The following KHDRBS2 variants were observed in gnomAD, a reference collection of about 807,000 sequenced individuals.
KHDRBS2 encodes the protein KH domain-containing, RNA-binding, signal transduction-associated protein 2.
Under a neutral mutation model 44.3 loss-of-function variants are expected in KHDRBS2, and 26 were observed. The ratio of observed to expected loss-of-function variants is 0.59; its 90% CI spans 0.43 to 0.81. The LOEUF is 0.81. Among genes scored for constraint, KHDRBS2 ranks in the 40% least tolerant of loss-of-function variants. The probability of loss-of-function intolerance (pLI) is 0.00; values close to 1 mark genes in which losing one functional copy is unlikely to be tolerated. For synonymous variants in KHDRBS2, 194 were observed against 151.1 expected (o/e 1.28, Z -2.08); for missense variants, 476 against 433.1 (o/e 1.10, Z -0.88).
intron 2 of KHDRBS2, among the ~76,000 whole-genome samples, chr6:62,151,478 T>A (rs1050708624): frequency 6.6e-6 from 1 of 152,156 alleles, no homozygotes; most frequent in African/African-American, 2.4e-5. Flanking sequence ...TAGTGATGAA[T>A]AGGGCATCTT....
the KHDRBS2 span, among the ~76,000 whole-genome samples, chr6:61,577,427 A>G: frequency 2.6e-5 from 4 of 152,298 alleles, no homozygotes; most frequent in African/African-American, 9.6e-5. Context: ...ACCGTGTCAG[A>G]GACATTCACA....
chr6:61,661,684 T>A, the KHDRBS2 span, among the ~76,000 whole-genome samples: 1 of 151,760 alleles, frequency 6.6e-6, no homozygotes, highest in Non-Finnish European at 1.5e-5. Flanking sequence ...CGAATCCAAC[T>A]TACAAGGGAC....
intron 7 of KHDRBS2, among the ~76,000 whole-genome samples, chr6:61,705,701 C>T (rs1769407776): frequency 6.6e-6 from 1 of 151,794 alleles, no homozygotes; most frequent in Non-Finnish European, 1.5e-5. Flanking sequence ...CTCCTCTCTA[C>T]ATTTAACTGT....
At chr6:62,245,379 C>G (rs1424386921) in intron 1 of KHDRBS2, among the ~76,000 whole-genome samples, 1 of 152,012 alleles carries the variant, frequency 6.6e-6, no homozygotes, top group Non-Finnish European at 1.5e-5. Flanking sequence ...CAAAAAAAAC[C>G]TTTGTGGATT....
At chr6:61,910,301 C>A (rs565276221) in intron 4 of KHDRBS2, among the ~76,000 whole-genome samples, 2 of 152,144 alleles carry the variant, frequency 1.3e-5, no homozygotes, top group Admixed American at 6.5e-5. Flanking sequence ...CCAGAAAAAA[C>A]GCATTATTAA....
At chr6:62,066,003 T>G (rs1234874976) in intron 2 of KHDRBS2, among the ~76,000 whole-genome samples, 2 of 151,712 alleles carry the variant, frequency 1.3e-5, no homozygotes, top group African/African-American at 2.4e-5. Flanking sequence ...GGTCATGTTT[T>G]AAATGTTTTT....
intron 2 of KHDRBS2, among the ~76,000 whole-genome samples, chr6:62,066,186 A>T (rs1793677662): frequency 6.6e-6 from 1 of 151,780 alleles, no homozygotes; most frequent in East Asian, 2.0e-4. Flanking sequence ...TCTTAATTAT[A>T]ACTACAGCTC....
chr6:61,887,374 A>C (rs886714115), intron 6 of KHDRBS2, among the ~76,000 whole-genome samples: 1 of 152,174 alleles, frequency 6.6e-6, no homozygotes, highest in African/African-American at 2.4e-5. Flanking sequence ...TGATTTTCCA[A>C]ATCTACTTCA....
At chr6:61,934,740 A>ACTGCAT (rs1198442517) in intron 4 of KHDRBS2, among the ~76,000 whole-genome samples, 6 of 152,310 alleles carry the variant, frequency 3.9e-5, no homozygotes, top group African/African-American at 1.2e-4. Flanking sequence ...TGCACTCAGA[A>ACTGCAT]TCCCAAATTG....
At chr6:62,129,155 T>C (rs1453805181) in intron 2 of KHDRBS2, among the ~76,000 whole-genome samples, 1 of 152,160 alleles carries the variant, frequency 6.6e-6, no homozygotes, top group Non-Finnish European at 1.5e-5. Flanking sequence ...CTTTTCTATA[T>C]TTTATGGATT....
At chr6:61,715,789 C>T (rs1771296146) in intron 7 of KHDRBS2, among the ~76,000 whole-genome samples, 1 of 117,196 alleles carries the variant, frequency 8.5e-6, no homozygotes, top group Non-Finnish European at 1.7e-5. Flanking sequence ...TTCCTGTATA[C>T]TGAGTTTTTT....
intron 4 of KHDRBS2, among the ~76,000 whole-genome samples, chr6:61,949,212 T>C (rs1764243006): frequency 6.6e-6 from 1 of 152,148 alleles, no homozygotes; most frequent in Non-Finnish European, 1.5e-5. Context: ...TATTTAAAGC[T>C]ACTCAATTTA....
At chr6:62,212,451 T>C (rs1829221590) in intron 1 of KHDRBS2, among the ~76,000 whole-genome samples, 1 of 151,744 alleles carries the variant, frequency 6.6e-6, no homozygotes, top group Non-Finnish European at 1.5e-5. Context: ...CTGAAATATA[T>C]TAATACATTA....
At chr6:62,129,657 G>C (rs1809801571) in intron 2 of KHDRBS2, among the ~76,000 whole-genome samples, 1 of 152,024 alleles carries the variant, frequency 6.6e-6, no homozygotes, top group Non-Finnish European at 1.5e-5. Context: ...TGTCCAATAA[G>C]ATGGCCACTA....
At chr6:61,677,292 A>G (rs1348124137), downstream of KHDRBS2, among the ~76,000 whole-genome samples, 3 of 151,940 alleles carry the variant, frequency 2.0e-5, no homozygotes, top group Admixed American at 2.0e-4. Context: ...AATGGATAAA[A>G]GAGAATAATG....
intron 1 of KHDRBS2, among the ~76,000 whole-genome samples, chr6:62,180,287 G>C (rs1253922012): frequency 6.6e-6 from 1 of 151,786 alleles, no homozygotes; most frequent in Non-Finnish European, 1.5e-5. Context: ...CTGATATGTA[G>C]GAAACGCCTA....
the KHDRBS2 span, among the ~76,000 whole-genome samples, chr6:61,563,940 G>A: frequency 2.0e-5 from 3 of 152,082 alleles, no homozygotes; most frequent in African/African-American, 4.8e-5. Context: ...ATAGAGGAAT[G>A]AGAGTCCGCT....
At chr6:62,277,525 G>C (rs1368946221) in intron 1 of KHDRBS2, among the ~76,000 whole-genome samples, 1 of 152,072 alleles carries the variant, frequency 6.6e-6, no homozygotes, top group Admixed American at 6.6e-5. Flanking sequence ...TGTATTTTTA[G>C]TAGAGATGGG....
At chr6:61,591,167 G>A in the KHDRBS2 span, among the ~76,000 whole-genome samples, 32 of 152,094 alleles carry the variant, frequency 2.1e-4, no homozygotes, top group African/African-American at 7.2e-4. Context: ...ATGTGCCTTG[G>A]AATTCCTTCA....
Sources: allele counts gnomAD v4.1 joint callset (sites outside exome capture counted in the v4.1 genomes callset), GRCh38; gene constraint gnomAD v4.1.1; transcripts MANE v1.5; gene names NCBI Gene and HGNC (gene_info 2026-07-23, HGNC 2026-07-21).